The following DNAH9 variants were observed in gnomAD, a reference collection of about 807,000 sequenced individuals.
The protein encoded by DNAH9 is dynein axonemal heavy chain 9.
A neutral mutation model predicts 471.6 loss-of-function variants in DNAH9; 345 were observed. The ratio of observed to expected loss-of-function variants is 0.73; its 90% confidence interval spans 0.67 to 0.80. The LOEUF (loss-of-function observed/expected upper bound fraction) is 0.80, where lower values mean the gene tolerates loss of function less well. DNAH9 is among the 30% of genes least tolerant of loss of function. DNAH9 has a pLI of 0.00. For missense variants in DNAH9, 5,407 were observed against 5,609.2 expected (o/e 0.96, Z 1.15); for synonymous variants, 2,093 against 2,123.6 (o/e 0.99, Z 0.40).
intron 38 of DNAH9, among the ~76,000 whole-genome samples, chr17:11,778,329 C>CAAAG (rs1567795708): frequency 6.2e-5 from 3 of 48,636 alleles, no homozygotes; most frequent in Non-Finnish European, 9.2e-5. Flanking sequence ...GACTCCATCT[C>CAAAG]AAAAAAAAAA....
chr17:11,877,442 C>T (rs1416202992), intron 53 of DNAH9, among the ~76,000 whole-genome samples: 4 of 129,718 alleles, frequency 3.1e-5, no homozygotes, highest in South Asian at 5.1e-4. Flanking sequence ...CATTGTACTC[C>T]AGCCTGGGGG....
Position 11,886,975 on chromosome 17 carries a change from A to T in DNAH9, c.11112+10A>T. 2 of 1,605,426 alleles carry T rather than the reference A, an allele frequency of 1.2e-6. No homozygotes were observed. Among genetic ancestry groups the T allele is most frequent in the Non-Finnish European group, 1.7e-6 (2 of 1,175,932 alleles). On this transcript the variant is annotated intron_variant, in intron 57 of 68. Transcript: ENST00000262442. The stretch of plus-strand genomic sequence containing the variant: ...CCAGTTTTCTCTCAAGGTGACTTAC[A>T]CCTGGAGTTTCTTGCCTGATTATAA...
chr17:11,646,719 G>A (rs567622377), intron 11 of DNAH9, among the ~76,000 whole-genome samples: 1 of 152,230 alleles, frequency 6.6e-6, no homozygotes, highest in African/African-American at 2.4e-5. Flanking sequence ...CTCGAGACCA[G>A]CCTGAACAAC....
chr17:11,743,132 G>A lies in DNAH9; in HGVS notation c.6111+819G>A, dbSNP rs114005904. Among the ~76,000 whole-genome samples, 1,287 of 152,146 alleles carry A rather than the reference G, an allele frequency of 8.5e-3. 29 individuals are homozygous for A. Among genetic ancestry groups the A allele is most frequent in the African/African-American group, 0.03 (1,240 of 41,486 alleles). ...CTCAGCATGTCTAAAGCTGATCTCC[G>A]TCAGCTCTAAGCCCAAGCTTCCTTC... On this transcript the variant is annotated intron_variant, in intron 30 of 68. Coordinates refer to ENST00000262442, the MANE Select transcript of DNAH9 (RefSeq NM_001372.4).
rs186771886 is a variant in DNAH9 at position 11,607,552 on chromosome 17, A to G, written c.418-577A>G. ...GGGAACTGTGCCTCGTCCTCTTGATAAAGAGTTTTTTGTTTTTTCTTTTTA... is the reference window on the plus strand; with the variant it reads ...GGGAACTGTGCCTCGTCCTCTTGATGAAGAGTTTTTTGTTTTTTCTTTTTA... On this transcript the variant is annotated intron_variant, in intron 1 of 68. Coordinates refer to ENST00000262442, the MANE Select transcript of DNAH9 (RefSeq NM_001372.4). Among the ~76,000 whole-genome samples the G allele has an allele frequency of 4.5e-3, 691 of 152,100 alleles. 3 individuals are homozygous for G. The highest frequency in any genetic ancestry group is 0.016 in the African/African-American group (652 of 41,508).
In DNAH9 at chr17:11,937,476, G is replaced by C; in HGVS notation, c.12614G>C (p.Arg4205Pro). 6.2e-7 allele frequency: 1 copy of C among 1,613,844 alleles called. No homozygotes were observed. Among genetic ancestry groups the C allele is most frequent in the East Asian group, 2.2e-5 (1 of 44,872 alleles). ...CGCACTGTGCTGGAGCTGCAGCCTC[G>C]GGACAGCCAGGCCAGAGACGGAGCG... ...LFRTVLELQP[R>P]DSQARDGAGA... is the part of the protein sequence containing the mutation. Residue 4205 changes from arginine (R) to proline (P), a missense_variant, in exon 66 of 69, where the codon CGG becomes CCG. Arg to Pro is a moderately radical substitution (Grantham distance 103). This residue lies in a region of DNAH9 where 4,636 missense variants were observed against 4,900.3 expected (regional missense o/e 0.95). Coordinates refer to ENST00000262442, the MANE Select transcript of DNAH9 (RefSeq NM_001372.4). The surrounding 1 kb of genome is among the most constrained non-coding windows in gnomAD (Gnocchi z 4.1).
At chr17:11,833,044 C>T (rs1970728124) in intron 48 of DNAH9, among the ~76,000 whole-genome samples, 1 of 152,196 alleles carries the variant, frequency 6.6e-6, no homozygotes, top group Non-Finnish European at 1.5e-5. Context: ...TGAGAGTTTG[C>T]ATTTCTAACA....
In DNAH9 at chr17:11,704,300, A is replaced by T. The variant is rs140706677; in HGVS notation, c.5249A>T (p.Tyr1750Phe). ...EGYESAMKDY[Y>F]KKQVAQLKTL... The stretch of plus-strand genomic sequence containing the variant: ...TATGAGAGTGCCATGAAGGACTATT[A>T]TAAGAAGCAAGTGGCCCAGCTCAAA... Residue 1750 changes from tyrosine to phenylalanine, a missense_variant, in exon 25 of 69, where the codon TAT (tyrosine) becomes TTT (phenylalanine). This residue lies in a region of DNAH9 where 4,636 missense variants were observed against 4,900.3 expected (regional missense o/e 0.95). Coordinates refer to ENST00000262442, the MANE Select transcript of DNAH9 (RefSeq NM_001372.4). 96 of 1,614,188 alleles carry T rather than the reference A, an allele frequency of 5.9e-5. No individual in the cohort carries two copies. In the East Asian group the frequency reaches 2.0e-3, roughly 34 times the overall value.
intron 49 of DNAH9, among the ~76,000 whole-genome samples, chr17:11,838,586 G>A (rs1970925017): frequency 6.6e-6 from 1 of 152,166 alleles, no homozygotes; most frequent in African/African-American, 2.4e-5. Context: ...GATGAATGAA[G>A]GGTGTGGTAT....
At chr17:11,740,330 C>A (rs537910511) in intron 29 of DNAH9, among the ~76,000 whole-genome samples, 9 of 152,096 alleles carry the variant, frequency 5.9e-5, no homozygotes, top group African/African-American at 2.2e-4. Flanking sequence ...GCAGACTGGG[C>A]GGCCTAAACA....
rs3070089 is a variant in DNAH9, at chr17:11,802,648, CA to C, written c.8420+4870del. Among the ~76,000 whole-genome samples, 192 of 131,288 alleles carry C rather than the reference CA, an allele frequency of 1.5e-3. 1 individual carries two copies. The East Asian group carries it at 0.019, about 13-fold the overall frequency. 86.1% of individuals were successfully genotyped at this position (131,288 alleles called of 152,430 possible). A position where few individuals can be genotyped will look rare whatever the true frequency, so the allele number is the denominator to read the frequency against. On this transcript the variant is annotated intron_variant, in intron 43 of 68. Transcript: ENST00000262442. ...ACTCCATCTCAAGAAAACACACAGA[CA>C]AAAAAAAAAAAAAAGTGGGAGTAGG...
chr17:11,603,920 C>G (rs534168743), intron 1 of DNAH9, among the ~76,000 whole-genome samples: 1 of 152,274 alleles, frequency 6.6e-6, no homozygotes, highest in African/African-American at 2.4e-5. Context: ...TGATCATCCT[C>G]TCTTCCTGGA....
intron 28 of DNAH9, among the ~76,000 whole-genome samples, chr17:11,737,376 C>T (rs941493904): frequency 7.0e-6 from 1 of 142,648 alleles, no homozygotes; most frequent in African/African-American, 2.5e-5. Flanking sequence ...GCCCCATTTC[C>T]ACAGAACTAG....
At position 11,822,020 on chromosome 17, in the gene DNAH9, C is replaced by A. The variant is rs117790039; in HGVS notation, c.8808C>A (p.Asn2936Lys). ...KSQGLVDNRENCWKFFIDRIR... is the reference protein window; with the variant it reads ...KSQGLVDNREKCWKFFIDRIR... The stretch of plus-strand genomic sequence containing the variant: ...AGGGTCTGGTTGACAACAGAGAGAA[C>A]TGTTGGAAGTTCTTTATAGATCGGA... Residue 2936 changes from asparagine to lysine, a missense_variant, in exon 46 of 69, where the codon AAC becomes AAA. Transcript: ENST00000262442. The A allele has an allele frequency of 1.2e-6, 2 of 1,614,014 alleles. No homozygotes were observed. Among genetic ancestry groups the A allele is most frequent in the Non-Finnish European group, 1.7e-6 (2 of 1,179,972 alleles).
rs777033401 is a variant in DNAH9 at position 11,894,389 on chromosome 17, C to T, written c.11299C>T (p.Arg3767Ter). ...CACATTGCAGATTCTCCTCATGAACCGAGAAGTCAATGCAGTGGAGTTGGA... is the reference window on the plus strand; with the variant it reads ...CACATTGCAGATTCTCCTCATGAACTGAGAAGTCAATGCAGTGGAGTTGGA... ...QLTFQILLMN[R>*]EVNAVELDFL... is the part of the protein sequence containing the mutation. The change falls in exon 59 of 69, where the codon CGA (arginine) becomes TGA (stop). Residue 3767 changes from arginine (R) to a stop codon, truncating the protein, a stop_gained. Transcript: ENST00000262442. LOFTEE classifies it high-confidence loss of function. 16 of 1,614,108 alleles carry T rather than the reference C, an allele frequency of 9.9e-6. No homozygotes were observed. Among genetic ancestry groups the T allele is most frequent in the South Asian group, 9.9e-5 (9 of 91,082 alleles).
At chr17:11,860,933 A>G (rs1473646939) in intron 50 of DNAH9, among the ~76,000 whole-genome samples, 1 of 151,694 alleles carries the variant, frequency 6.6e-6, no homozygotes, top group African/African-American at 2.4e-5. Context: ...TCCTTTGTGT[A>G]TGCACAGTTT....
chr17:11,914,339 T>G (rs1245849013), intron 61 of DNAH9, among the ~76,000 whole-genome samples: 1 of 152,240 alleles, frequency 6.6e-6, no homozygotes, highest in Non-Finnish European at 1.5e-5. Context: ...TTTATTCTTC[T>G]TGAAGATACT....
intron 1 of DNAH9, among the ~76,000 whole-genome samples, chr17:11,599,814 T>G (rs2072347120): frequency 6.6e-6 from 1 of 152,182 alleles, no homozygotes; most frequent in East Asian, 1.9e-4. Context: ...GTATGATGGT[T>G]CAGGTGATAG....
intron 8 of DNAH9, among the ~76,000 whole-genome samples, chr17:11,633,158 A>G (rs1438013490): frequency 2.0e-5 from 3 of 152,172 alleles, no homozygotes; most frequent in East Asian, 1.9e-4. Flanking sequence ...TACAAAGTGT[A>G]TGGAGGAGAA....
Sources: gnomAD v4.1 joint callset for allele counts (sites outside exome capture counted in the v4.1 genomes callset) on GRCh38, gnomAD v4.1.1 for gene constraint, gnomAD v4.1.1 regional missense constraint, Gnocchi (gnomAD v3.1) non-coding constraint, MANE v1.5 for transcripts, NCBI Gene and HGNC (gene_info 2026-07-23, HGNC 2026-07-21) for gene names.